The following PKIB variants were observed in gnomAD, a reference collection of about 807,000 sequenced individuals.
PKIB encodes the protein PKI-beta.
Under a neutral mutation model 4.5 loss-of-function variants are expected in PKIB, and 2 were observed. The observed-to-expected ratio is 0.44, with a 90% CI of 0.18 to 1.39. PKIB has a LOEUF of 1.39. Among genes scored for constraint, PKIB ranks in the 40% most tolerant of loss-of-function variants. The probability of loss-of-function intolerance (pLI) is 0.27; values close to 1 mark genes in which losing one functional copy is unlikely to be tolerated. For synonymous variants in PKIB, 38 were observed against 36.0 expected, an observed-to-expected ratio of 1.06 and a Z score of -0.20; for missense variants, 94 against 92.6, an observed-to-expected ratio of 1.02 and a Z score of -0.06.
chr6:122,709,939 C>T (rs1779205943), intron 3 of PKIB, among the ~76,000 whole-genome samples: 1 of 152,250 alleles, frequency 6.6e-6, no homozygotes, highest in Non-Finnish European at 1.5e-5. Flanking sequence ...AGTCTACAGC[C>T]TGACTCCTAT....
intron 2 of PKIB, among the ~76,000 whole-genome samples, chr6:122,547,299 G>A (rs1177040258): frequency 4.6e-5 from 7 of 151,934 alleles, no homozygotes; most frequent in African/African-American, 1.7e-4. Context: ...GGAGGCGTAG[G>A]CAGATAAAGT....
intron 3 of PKIB, among the ~76,000 whole-genome samples, chr6:122,693,157 C>T (rs918703513): frequency 2.6e-5 from 4 of 152,228 alleles, no homozygotes; most frequent in Admixed American, 2.0e-4. Context: ...TACCCTGTGA[C>T]GTATAATTAA....
chr6:122,612,489 T>G (rs1385478073), intron 1 of PKIB, among the ~76,000 whole-genome samples: 2 of 152,200 alleles, frequency 1.3e-5, no homozygotes, highest in East Asian at 3.8e-4. Context: ...ACCATTAATC[T>G]ACTTTCAGTC....
chr6:122,633,936 A>ATCTG (rs2114827352), intron 2 of PKIB, among the ~76,000 whole-genome samples: 1 of 150,374 alleles, frequency 6.7e-6, no homozygotes, highest in South Asian at 2.1e-4. Context: ...TGTCCTATCT[A>ATCTG]TCTATCTATC....
At chr6:122,499,001 A>C (rs1435652105) in intron 2 of PKIB, among the ~76,000 whole-genome samples, 1 of 152,194 alleles carries the variant, frequency 6.6e-6, no homozygotes, top group Non-Finnish European at 1.5e-5. Context: ...CAATCTCCCA[A>C]GACTGAATGA....
At chr6:122,709,135 G>A (rs1779176710) in intron 3 of PKIB, among the ~76,000 whole-genome samples, 2 of 152,064 alleles carry the variant, frequency 1.3e-5, no homozygotes, top group South Asian at 4.2e-4. Context: ...TTGAGTCCAG[G>A]GTAGTAAAAT....
chr6:122,678,815 T>G (rs1777785690), intron 3 of PKIB, among the ~76,000 whole-genome samples: 1 of 152,234 alleles, frequency 6.6e-6, no homozygotes. Flanking sequence ...GACATTGGTC[T>G]GTTTTAGGTG....
chr6:122,689,040 CAA>C (rs1358810912), intron 3 of PKIB, among the ~76,000 whole-genome samples: 1 of 152,114 alleles, frequency 6.6e-6, no homozygotes, highest in Non-Finnish European at 1.5e-5. Context: ...CTCGGCCTCC[CAA>C]AGTGCTGGGA....
intron 2 of PKIB, among the ~76,000 whole-genome samples, chr6:122,500,623 T>C (rs944826649): frequency 6.6e-6 from 1 of 152,190 alleles, no homozygotes; most frequent in Non-Finnish European, 1.5e-5. Context: ...ATCCTAGATA[T>C]GGCCAATTCC....
At position 122,514,913 on chromosome 6, in the gene PKIB, A is replaced by C. The variant is rs898806504; in HGVS notation, c.-248+36974A>C. Reference sequence around the variant, plus strand: ...GGGGTAACCCATAGAGTGAAGTTATATTTAGGCTTTGAGTGACATTCATTC... The same window carrying C: ...GGGGTAACCCATAGAGTGAAGTTATCTTTAGGCTTTGAGTGACATTCATTC... On this transcript the variant is annotated intron_variant, in intron 2 of 6. Coordinates refer to the PKIB transcript ENST00000392491. 3.9e-5 allele frequency among the ~76,000 whole-genome samples: 6 copies of C among 152,202 alleles called. No homozygotes were observed. In the East Asian group the frequency reaches 1.2e-3, roughly 29 times the overall value.
intron 3 of PKIB, among the ~76,000 whole-genome samples, chr6:122,711,892 G>A (rs1375516864): frequency 6.6e-6 from 1 of 152,088 alleles, no homozygotes; most frequent in Non-Finnish European, 1.5e-5. Context: ...GTATATTGAA[G>A]GATCTGTCTA....
At chr6:122,636,445 C>A (rs952820798) in intron 2 of PKIB, among the ~76,000 whole-genome samples, 14 of 151,698 alleles carry the variant, frequency 9.2e-5, no homozygotes, top group Admixed American at 3.9e-4. Flanking sequence ...CTCATCATAA[C>A]AATTAAATAT....
intron 3 of PKIB, among the ~76,000 whole-genome samples, chr6:122,593,252 C>T (rs956012378): frequency 6.6e-6 from 1 of 152,108 alleles, no homozygotes; most frequent in Admixed American, 6.5e-5. Flanking sequence ...TTTGGATGCT[C>T]CAGATGACCC....
At chr6:122,502,428 G>T (rs888703136) in intron 2 of PKIB, among the ~76,000 whole-genome samples, 6 of 151,818 alleles carry the variant, frequency 4.0e-5, no homozygotes, top group African/African-American at 9.7e-5. Flanking sequence ...GGCTGTACAG[G>T]AGGCATGGCT....
At chr6:122,535,969 T>G (rs1307856216) in intron 2 of PKIB, among the ~76,000 whole-genome samples, 1 of 152,122 alleles carries the variant, frequency 6.6e-6, no homozygotes, top group Admixed American at 6.6e-5. Flanking sequence ...TCTGACAGAG[T>G]AAGACTCTGT....
intron 2 of PKIB, among the ~76,000 whole-genome samples, chr6:122,545,427 G>A (rs1222548677): frequency 6.6e-6 from 1 of 151,866 alleles, no homozygotes; most frequent in Admixed American, 6.6e-5. Context: ...TTACAAGTGG[G>A]AGCTAAACAC....
intron 3 of PKIB, among the ~76,000 whole-genome samples, chr6:122,690,612 A>T (rs951278239): frequency 6.6e-5 from 10 of 151,662 alleles, no homozygotes; most frequent in African/African-American, 2.4e-4. Flanking sequence ...TATACTGTCT[A>T]TGTCTTGAAA....
intron 3 of PKIB, among the ~76,000 whole-genome samples, chr6:122,587,476 G>T (rs1353269043): frequency 4.6e-5 from 7 of 152,222 alleles, no homozygotes; most frequent in Middle Eastern, 3.4e-3. Context: ...GAATAGTGCT[G>T]CAATAAACAT....
At chr6:122,523,425 G>T (rs1382553836) in intron 2 of PKIB, among the ~76,000 whole-genome samples, 1 of 152,166 alleles carries the variant, frequency 6.6e-6, no homozygotes, top group African/African-American at 2.4e-5. Flanking sequence ...CCCACACGTT[G>T]TGGGAGGGAC....
Sources: gnomAD v4.1 joint callset for allele counts (sites outside exome capture counted in the v4.1 genomes callset) on GRCh38, gnomAD v4.1.1 for gene constraint, MANE v1.5 for transcripts, NCBI Gene and HGNC (gene_info 2026-07-23, HGNC 2026-07-21) for gene names.